TRAPPC13: variants seen among roughly 807,000 people sequenced by gnomAD.
TRAPPC13 encodes the protein trafficking protein particle complex subunit 13, also known as REV7-interacting novel NHEJ regulator 1.
A neutral mutation model predicts 54.0 loss-of-function variants in TRAPPC13; 39 were observed. The observed-to-expected ratio is 0.72, with a 90% confidence interval of 0.56 to 0.94. TRAPPC13 has a LOEUF of 0.94. TRAPPC13 is among the 40% of genes least tolerant of loss of function. The pLI, the probability that TRAPPC13 is intolerant of heterozygous loss-of-function variation, is 0.00. For synonymous variants in TRAPPC13, 148 were observed against 167.7 expected, an observed-to-expected ratio of 0.88 and a Z score of 0.91; for missense variants, 386 against 488.1, an observed-to-expected ratio of 0.79 and a Z score of 1.97.
intron 1 of TRAPPC13, among the ~76,000 whole-genome samples, chr5:65,627,131 C>CAAAA (rs60169195): frequency 0.2 from 6,541 of 32,426 alleles, 1,856 homozygotes; most frequent in Non-Finnish European, 0.29. Flanking sequence ...GACCCTGTCT[C>CAAAA]AAAAAAAAAA....
At chr5:65,630,046 A>G (rs1261910930) in intron 1 of TRAPPC13, 1 of 1,536,110 alleles carries the variant, frequency 6.5e-7, no homozygotes, top group East Asian at 2.4e-5. Context: ...AAAAATTGCA[A>G]GATAGTTTAA....
chr5:65,649,477 C>G (rs34610307), intron 5 of TRAPPC13, among the ~76,000 whole-genome samples: 7 of 152,144 alleles, frequency 4.6e-5, no homozygotes. Flanking sequence ...TCTCTAAACC[C>G]TCACCAACTC....
chr5:65,635,344 A>C lies in TRAPPC13; in HGVS notation c.90A>C (p.Val30=). Residue 30 remains valine (V), a synonymous_variant, in exon 2 of 13, where the codon GTA becomes GTC. Transcript: ENST00000399438. ...TKPTLFTNIP[V]TCEEKDLPGD... ...CTACTTTATTCACCAATATCCCAGT[A>C]ACATGTGAAGAGAAAGACTTACCTG... 2 of 1,613,566 alleles carry C rather than the reference A, an allele frequency of 1.2e-6. No homozygotes were observed. The highest frequency in any genetic ancestry group is 1.7e-6 in the Non-Finnish European group (2 of 1,179,660).
At chr5:65,659,980 AAAAAAAAAAAG>A (rs1335648961) in intron 9 of TRAPPC13, among the ~76,000 whole-genome samples, 2 of 151,020 alleles carry the variant, frequency 1.3e-5, no homozygotes, top group South Asian at 2.1e-4. Context: ...AAAAAAAAAA[AAAAAAAAAAAG>A]AAGAAGAAGA....
chr5:65,658,173 C>T (rs1756717557), intron 8 of TRAPPC13, 195 bp from the exon 9 acceptor site: 4 of 463,214 alleles, frequency 8.6e-6, no homozygotes, highest in Non-Finnish European at 1.5e-5. Context: ...TTGACTAACA[C>T]TTGACTTTGC....
chr5:65,638,923 A>G (rs1483962676), intron 4 of TRAPPC13, among the ~76,000 whole-genome samples: 1 of 152,076 alleles, frequency 6.6e-6, no homozygotes, highest in East Asian at 1.9e-4. Context: ...ATCTCTACTA[A>G]AAATACAGAA....
At chr5:65,656,176 CT>C (rs1756645228) in intron 8 of TRAPPC13, among the ~76,000 whole-genome samples, 1 of 152,194 alleles carries the variant, frequency 6.6e-6, no homozygotes, top group Admixed American at 6.5e-5. Context: ...GCAGCATTTG[CT>C]TATATCACAT....
chr5:65,658,718 T>TTTTATTTA (rs745951858), intron 9 of TRAPPC13, among the ~76,000 whole-genome samples: 1 of 151,090 alleles, frequency 6.6e-6, no homozygotes, highest in Non-Finnish European at 1.5e-5. Flanking sequence ...TTATTTTTAT[T>TTTTATTTA]TTTATTTATT....
intron 1 of TRAPPC13, chr5:65,630,578 T>C (rs1217443189): frequency 8.6e-7 from 1 of 1,163,824 alleles, no homozygotes; most frequent in Admixed American, 4.2e-5. Context: ...TTACAAACTG[T>C]GATTGAATTA....
intron 9 of TRAPPC13, among the ~76,000 whole-genome samples, chr5:65,659,781 C>T (rs894957639): frequency 7.9e-5 from 12 of 151,910 alleles, no homozygotes; most frequent in African/African-American, 2.9e-4. Context: ...GCTATGAGTT[C>T]TAGACCAACC....
chr5:65,657,201 G>A (rs948051395), intron 8 of TRAPPC13, among the ~76,000 whole-genome samples: 14 of 151,800 alleles, frequency 9.2e-5, no homozygotes, highest in Admixed American at 6.6e-4. Flanking sequence ...GGCCAACATG[G>A]TGAAACCCTG....
rs775916146 is a variant in TRAPPC13 at position 65,647,125 on chromosome 5, C to T, written c.371C>T (p.Pro124Leu). ...AATGCTGCAGTGGCTGAACTTAAAC[C>T]GGATTGTTGTATTGATGATGTCATA... ...ASNAAVAELK[P>L]DCCIDDVIHH... The change falls in exon 5 of 13, where the codon CCG becomes CTG. Residue 124 changes from proline to leucine, a missense_variant. Coordinates refer to ENST00000399438, the MANE Select transcript of TRAPPC13 (RefSeq NM_024941.4). 19 of 1,572,084 alleles carry T rather than the reference C, an allele frequency of 1.2e-5. No individual in the cohort carries two copies. Among genetic ancestry groups the T allele is most frequent in the Admixed American group, 1.1e-4 (6 of 53,552 alleles).
intron 7 of TRAPPC13, among the ~76,000 whole-genome samples, chr5:65,653,910 A>C (rs190765644): frequency 6.6e-6 from 1 of 152,284 alleles, no homozygotes; most frequent in Non-Finnish European, 1.5e-5. Context: ...CAGTATAGCT[A>C]GTCAGCATGG....
chr5:65,641,650 G>A (rs1268198345), intron 4 of TRAPPC13, among the ~76,000 whole-genome samples: 1 of 151,458 alleles, frequency 6.6e-6, no homozygotes, highest in African/African-American at 2.4e-5. Context: ...ATTCGAGGCT[G>A]CAGTGAGCTA....
Position 65,650,886 on chromosome 5 carries a change from T to C in TRAPPC13, c.501+4T>C, listed in dbSNP as rs759296376. The C allele has an allele frequency of 4.4e-6, 7 of 1,602,266 alleles. No homozygotes were observed. The South Asian group carries it at 7.7e-5, about 18-fold the overall frequency. Reference sequence around the variant, plus strand: ...CAGAAAATTCTTCAAATTTCAGGTATTGAATATGACAATGGTAAATAGTTT... The same window carrying C: ...CAGAAAATTCTTCAAATTTCAGGTACTGAATATGACAATGGTAAATAGTTT... On this transcript the variant is annotated splice_donor_region_variant and intron_variant, in intron 6 of 12. Transcript: ENST00000399438.
At chr5:65,647,882 C>G (rs1374779824) in intron 5 of TRAPPC13, among the ~76,000 whole-genome samples, 1 of 152,046 alleles carries the variant, frequency 6.6e-6, no homozygotes, top group East Asian at 1.9e-4. Flanking sequence ...TAGCTGTTAT[C>G]TAATCAGTTA....
At chr5:65,625,757 C>T (rs1323068332) in intron 1 of TRAPPC13, among the ~76,000 whole-genome samples, 1 of 151,740 alleles carries the variant, frequency 6.6e-6, no homozygotes, top group African/African-American at 2.4e-5. Flanking sequence ...TTTCTGGAAA[C>T]CTTTTATTTG....
rs569154658 is a variant in TRAPPC13 at position 65,656,308 on chromosome 5, G to A, written c.564+655G>A. Among the ~76,000 whole-genome samples, 129 of 151,904 alleles carry A rather than the reference G, an allele frequency of 8.5e-4. 1 individual carries two copies. In the South Asian group the frequency reaches 0.015, roughly 18 times the overall value. The stretch of plus-strand genomic sequence containing the variant: ...CCATTATGCTGCTTGTTTTTCTTTC[G>A]TTTTATCTAAGCTCTTCCTAAATTT... On this transcript the variant is annotated intron_variant, in intron 8 of 12. Coordinates refer to ENST00000399438, the MANE Select transcript of TRAPPC13 (RefSeq NM_024941.4).
intron 4 of TRAPPC13, 21 bp downstream of exon 4, chr5:65,637,801 G>T: frequency 7.0e-7 from 1 of 1,429,014 alleles, no homozygotes; most frequent in South Asian, 1.2e-5. Flanking sequence ...TTCTTACTTG[G>T]GATGTATTTT....
Sources: allele counts gnomAD v4.1 joint callset (sites outside exome capture counted in the v4.1 genomes callset), GRCh38; gene constraint gnomAD v4.1.1; transcripts MANE v1.5; gene names NCBI Gene and HGNC (gene_info 2026-07-23, HGNC 2026-07-21).